Variants in NSMAF observed in about 807,000 individuals in gnomAD.
NSMAF encodes the protein protein FAN.
NSMAF carries 90 observed loss-of-function variants against 134.9 expected under a neutral mutation model. That is an observed-to-expected ratio of 0.67 (90% confidence interval 0.56 to 0.79). The LOEUF (loss-of-function observed/expected upper bound fraction) is 0.79. NSMAF is among the 30% of genes least tolerant of loss of function. NSMAF has a pLI of 0.00. For missense variants in NSMAF, 1,010 were observed against 1,119.0 expected (o/e 0.90, Z 1.39); for synonymous variants, 358 against 389.6 (o/e 0.92, Z 0.96).
At chr8:58,601,382 A>C in intron 15 of NSMAF, 34 bp from the exon 16 acceptor site, 1 of 1,611,546 alleles carries the variant, frequency 6.2e-7, no homozygotes, top group Non-Finnish European at 8.5e-7. Context: ...AAGTCAGGTC[A>C]CAGAATCATT....
At chr8:58,611,871 G>A (rs142189452) in intron 9 of NSMAF, among the ~76,000 whole-genome samples, 104 of 152,224 alleles carry the variant, frequency 6.8e-4, no homozygotes, top group African/African-American at 2.5e-3. Context: ...AAATGGAGAA[G>A]AGAATGGCTG....
At chr8:58,590,762 G>T in intron 24 of NSMAF, 105 bp downstream of exon 24, 1 of 1,209,018 alleles carries the variant, frequency 8.3e-7, no homozygotes, top group Non-Finnish European at 1.1e-6. Context: ...TACTACACAG[G>T]AATAAACTCA....
intron 2 of NSMAF, among the ~76,000 whole-genome samples, chr8:58,641,983 A>C (rs1032854211): frequency 3.3e-5 from 5 of 152,214 alleles, no homozygotes; most frequent in African/African-American, 1.2e-4. Context: ...GGAAGGAAAA[A>C]AGATATGGAA....
At chr8:58,637,478 G>GTAC (rs1442961608) in intron 2 of NSMAF, 2 of 430,646 alleles carry the variant, frequency 4.6e-6, no homozygotes, top group African/African-American at 4.1e-5. Context: ...ATTCAACATA[G>GTAC]TACTGGAAAT....
chr8:58,593,790 G>A (rs1214242984), intron 23 of NSMAF, among the ~76,000 whole-genome samples: 2 of 152,194 alleles, frequency 1.3e-5, no homozygotes, highest in African/African-American at 4.8e-5. Context: ...TTGATTTTGA[G>A]CTAAATCAAA....
chr8:58,623,002 C>T (rs763070996), intron 9 of NSMAF, among the ~76,000 whole-genome samples: 7 of 152,030 alleles, frequency 4.6e-5, no homozygotes, highest in Non-Finnish European at 7.4e-5. Flanking sequence ...AAGCAGAAAC[C>T]GAAGCATCTA....
At chr8:58,623,674 G>A (rs960561261) in intron 7 of NSMAF, 35 bp downstream of exon 7, 5 of 1,575,772 alleles carry the variant, frequency 3.2e-6, no homozygotes, top group Non-Finnish European at 4.3e-6. Context: ...TTTTGCCTCA[G>A]TTTGCTTTGA....
At chr8:58,600,047 AT>A (rs771026609) in intron 16 of NSMAF, 26 bp from the exon 17 acceptor site, 1 of 1,579,766 alleles carries the variant, frequency 6.3e-7, no homozygotes, top group Non-Finnish European at 8.7e-7. Context: ...AAATTCACCT[AT>A]TTTCAGCTAA....
chr8:58,605,833 T>C (rs1462825174), intron 12 of NSMAF, 94 bp downstream of exon 12: 4 of 1,298,038 alleles, frequency 3.1e-6, no homozygotes, highest in Non-Finnish European at 3.9e-6. Context: ...TGAGCCGAGA[T>C]CACGCCACTG....
chr8:58,653,533 C>A (rs1240112624), intron 1 of NSMAF, among the ~76,000 whole-genome samples: 1 of 151,252 alleles, frequency 6.6e-6, no homozygotes, highest in Non-Finnish European at 1.5e-5. Flanking sequence ...ACTGATATAG[C>A]TATATTAATA....
chr8:58,656,612 C>T lies in NSMAF; in HGVS notation c.59+2961G>A, dbSNP rs188877836. ...GAGGCCAAGGCGGGTGGGTGGATCA[C>T]GAGGTCAGGAGATCGAGACCATCCT... On this transcript the variant is annotated intron_variant, in intron 1 of 30. Coordinates refer to ENST00000038176, the MANE Select transcript of NSMAF (RefSeq NM_003580.4). Among the ~76,000 whole-genome samples, 799 of 152,084 alleles carry T rather than the reference C, an allele frequency of 5.3e-3. 5 individuals carry two copies. Among genetic ancestry groups the T allele is most frequent in the African/African-American group, 0.018 (766 of 41,508 alleles).
At chr8:58,618,578 T>C (rs940692414) in intron 9 of NSMAF, among the ~76,000 whole-genome samples, 3 of 151,930 alleles carry the variant, frequency 2.0e-5, no homozygotes, top group African/African-American at 7.2e-5. Context: ...CATATATATA[T>C]AATACAAACA....
At chr8:58,659,061 C>G in intron 1 of NSMAF, 1 of 715,880 alleles carries the variant, frequency 1.4e-6, no homozygotes, top group Non-Finnish European at 2.1e-6. Context: ...GAAAAAGGCG[C>G]GGCAATGCGA....
chr8:58,652,266 T>C (rs1333625373), intron 1 of NSMAF, among the ~76,000 whole-genome samples: 1 of 152,118 alleles, frequency 6.6e-6, no homozygotes, highest in Non-Finnish European at 1.5e-5. Flanking sequence ...CTTAACAATA[T>C]TGGTTTGTTG....
chr8:58,645,757 T>C (rs1807434253), intron 1 of NSMAF, among the ~76,000 whole-genome samples: 1 of 151,954 alleles, frequency 6.6e-6, no homozygotes, highest in African/African-American at 2.4e-5. Flanking sequence ...AAAAAAATAA[T>C]AGGCCAGGCG....
chr8:58,619,342 GAAT>G (rs1806732228), intron 9 of NSMAF, among the ~76,000 whole-genome samples: 1 of 152,056 alleles, frequency 6.6e-6, no homozygotes, highest in African/African-American at 2.4e-5. Context: ...CAATAAAATA[GAAT>G]ATTACAAACT....
intron 23 of NSMAF, among the ~76,000 whole-genome samples, chr8:58,592,664 G>T (rs1283875199): frequency 2.0e-5 from 3 of 152,186 alleles, no homozygotes; most frequent in African/African-American, 7.2e-5. Context: ...GAGGCAGGTG[G>T]AACACCTGAG....
At chr8:58,648,291 A>C (rs1446257215) in intron 1 of NSMAF, among the ~76,000 whole-genome samples, 1 of 152,210 alleles carries the variant, frequency 6.6e-6, no homozygotes, top group Non-Finnish European at 1.5e-5. Flanking sequence ...AAAAGCCAAC[A>C]ATCAGATACA....
intron 2 of NSMAF, among the ~76,000 whole-genome samples, chr8:58,637,968 A>G (rs2129146690): frequency 6.6e-6 from 1 of 151,924 alleles, no homozygotes; most frequent in Middle Eastern, 3.4e-3. Flanking sequence ...TTAAAATCCC[A>G]ATGGCATTTT....
Sources: allele counts gnomAD v4.1 joint callset (sites outside exome capture counted in the v4.1 genomes callset), GRCh38; gene constraint gnomAD v4.1.1; transcripts MANE v1.5; gene names NCBI Gene and HGNC (gene_info 2026-07-23, HGNC 2026-07-21).